ATRX: variants seen among roughly 807,000 people sequenced by gnomAD.
The protein encoded by ATRX is ATRX chromatin remodeler.
ATRX carries 12 observed loss-of-function variants against 172.6 expected under a neutral mutation model. The observed-to-expected ratio is 0.07, with a 90% CI of 0.04 to 0.11. ATRX has a LOEUF of 0.11. ATRX is among the 10% of genes least tolerant of loss of function. The pLI is 1.00. For missense variants in ATRX, 1,368 were observed against 1,767.4 expected, an observed-to-expected ratio of 0.77 and a Z score of 4.05; for synonymous variants, 674 against 594.7, an observed-to-expected ratio of 1.13 and a Z score of -1.94.
At chrX:77,520,976 G>A (rs2147738759) in intron 33 of ATRX, 60 bp from the exon 34 acceptor site, 1 of 1,092,986 alleles carries the variant, frequency 9.1e-7, no homozygotes, top group Non-Finnish European at 1.3e-6. Context: ...AAATAATTAA[G>A]GTATTTTAAG....
intron 34 of ATRX, among the ~76,000 whole-genome samples, chrX:77,517,980 T>C (rs2063108767): frequency 1.8e-5 from 2 of 112,017 alleles, no homozygotes; most frequent in South Asian, 7.4e-4. Context: ...CCTTTCATGA[T>C]ATAAATCCTC....
intron 1 of ATRX, among the ~76,000 whole-genome samples, chrX:77,739,442 ATTAT>A (rs1166405868): frequency 1.8e-5 from 2 of 109,150 alleles, no homozygotes; most frequent in Admixed American, 1.0e-4. Context: ...CTCATTTGCA[ATTAT>A]TTAATTTTTA....
At chrX:77,777,960 AC>A (rs1321829633) in intron 1 of ATRX, among the ~76,000 whole-genome samples, 3 of 108,448 alleles carry the variant, frequency 2.8e-5, no homozygotes, top group African/African-American at 6.7e-5. Flanking sequence ...ATATGGTGAC[AC>A]CCCGTCTCTA....
At chrX:77,671,167 A>AAAAATATAT (rs1424480831) in intron 10 of ATRX, among the ~76,000 whole-genome samples, 207 of 15,739 alleles carry the variant, frequency 0.013, 27 homozygotes, top group Non-Finnish European at 0.018. Context: ...AAAAAAAAAA[A>AAAAATATAT]ATATATATAT....
At position 77,508,202 on chromosome X, in the gene ATRX, A is replaced by T. The variant is rs782769672; in HGVS notation, c.*149T>A. 169 of 206,032 alleles carry T rather than the reference A, an allele frequency of 8.2e-4. No homozygotes were observed. Among genetic ancestry groups the T allele is most frequent in the South Asian group, 3.8e-3 (24 of 6,320 alleles). 17.0% of individuals were successfully genotyped at this position (206,032 alleles called of 1,213,427 possible). Reference sequence around the variant, plus strand: ...CAGGAAGAAATGGTATGCCCTATTTAAAAAAAAAAAAAGTAAAACTAATAT... The same window carrying T: ...CAGGAAGAAATGGTATGCCCTATTTTAAAAAAAAAAAAGTAAAACTAATAT... On this transcript the variant is annotated 3_prime_UTR_variant, in exon 35 of 35. Transcript: ENST00000373344.
rs2148656080 is a variant in ATRX at position 77,688,824 on chromosome X, A to T, written c.588T>A (p.Ile196=). Residue 196 remains isoleucine (I), a synonymous_variant, in exon 7 of 35, where the codon ATT becomes ATA. Coordinates refer to ENST00000373344, the MANE Select transcript of ATRX (RefSeq NM_000489.6). The part of the protein sequence containing the change: ...IYRHPSLQVL[I]CKNCFKYYMS... ...TCAACAGATCATTACATACCTTACA[A>T]ATAAGAACTTGCAATGAAGGGTGTC... 8.4e-7 allele frequency: 1 copy of T among 1,195,734 alleles called. No homozygotes were observed. Among genetic ancestry groups the T allele is most frequent in the Non-Finnish European group, 1.1e-6 (1 of 880,993 alleles).
In ATRX at chrX:77,766,904, C is replaced by T. The variant is rs1374955405; in HGVS notation, c.20+19078G>A. On this transcript the variant is annotated intron_variant, in intron 1 of 34. Transcript: ENST00000373344. ...GTGAGGTTGTAGCGAGCCGAGATCACGCCACTGCACTCCAGCCTGGGCACC... is the reference window on the plus strand; with the variant it reads ...GTGAGGTTGTAGCGAGCCGAGATCATGCCACTGCACTCCAGCCTGGGCACC... Among the ~76,000 whole-genome samples, 11 of 111,003 alleles carry T rather than the reference C, an allele frequency of 9.9e-5. No individual in the cohort carries two copies. The South Asian group carries it at 3.0e-3, about 30-fold the overall frequency.
chrX:77,601,151 G>A (rs782157981), intron 22 of ATRX, among the ~76,000 whole-genome samples: 9 of 110,429 alleles, frequency 8.2e-5, no homozygotes, highest in Non-Finnish European at 1.3e-4. Flanking sequence ...ACTGACTCTC[G>A]CCAACTATGC....
chrX:77,722,970 A>G (rs782025380), intron 1 of ATRX, among the ~76,000 whole-genome samples: 9 of 112,409 alleles, frequency 8.0e-5, no homozygotes, highest in Admixed American at 2.8e-4. Context: ...CTGGATAAAG[A>G]AAATGTGGCA....
At chrX:77,715,162 G>A (rs2073310020) in intron 2 of ATRX, among the ~76,000 whole-genome samples, 1 of 111,398 alleles carries the variant, frequency 9.0e-6, no homozygotes, top group African/African-American at 3.3e-5. Context: ...TTCTATGCTG[G>A]CAATTACAAT....
At chrX:77,540,612 C>T (rs782786917) in intron 30 of ATRX, among the ~76,000 whole-genome samples, 1 of 112,085 alleles carries the variant, frequency 8.9e-6, no homozygotes, top group Non-Finnish European at 1.9e-5. Context: ...TCATAACAAA[C>T]AGTCTCTCAG....
rs1038115349 is a variant in ATRX, at chrX:77,703,391, C to T, written c.134-4762G>A. Among the ~76,000 whole-genome samples the T allele has an allele frequency of 6.2e-5, 7 of 113,021 alleles. No individual in the cohort carries two copies. In the South Asian group the frequency reaches 1.8e-3, roughly 29 times the overall value. ...GCGCAATCAGACATCCTGGCAGCTGCAGCAGGGCACGCAGCTCCAGGTGCC... is the reference window on the plus strand; with the variant it reads ...GCGCAATCAGACATCCTGGCAGCTGTAGCAGGGCACGCAGCTCCAGGTGCC... On this transcript the variant is annotated intron_variant, in intron 2 of 34. Coordinates refer to ENST00000373344, the MANE Select transcript of ATRX (RefSeq NM_000489.6).
intron 28 of ATRX, among the ~76,000 whole-genome samples, chrX:77,562,761 G>C (rs1357623417): frequency 9.0e-6 from 1 of 111,540 alleles, no homozygotes; most frequent in African/African-American, 3.3e-5. Context: ...TGCCCAGGCT[G>C]GTCTTGAACC....
chrX:77,616,399 T>C, intron 22 of ATRX: 1 of 1,080,521 alleles, frequency 9.3e-7, no homozygotes, highest in Admixed American at 2.9e-5. Context: ...TATTCATATG[T>C]GCTGTATATC....
chrX:77,593,886 G>C (rs782471162), intron 25 of ATRX, 37 bp from the exon 26 acceptor site: 6 of 1,155,115 alleles, frequency 5.2e-6, no homozygotes, highest in Non-Finnish European at 7.1e-6. Context: ...AGGTAAATTA[G>C]AAAAGAAATG....
chrX:77,549,366 C>T (rs1295736183), intron 30 of ATRX, among the ~76,000 whole-genome samples: 1 of 111,928 alleles, frequency 8.9e-6, no homozygotes, highest in Non-Finnish European at 1.9e-5. Context: ...TCCTGGGTGA[C>T]AGAGTGAGAC....
At chrX:77,599,915 G>A (rs1226153487) in intron 23 of ATRX, 95 bp from the exon 24 acceptor site, 11 of 720,156 alleles carry the variant, frequency 1.5e-5, no homozygotes, top group Non-Finnish European at 2.4e-5. Flanking sequence ...TAATTGGCAC[G>A]AGCTGAGGAA....
intron 10 of ATRX, among the ~76,000 whole-genome samples, chrX:77,673,451 T>G (rs1218993722): frequency 9.0e-6 from 1 of 111,307 alleles, no homozygotes; most frequent in African/African-American, 3.2e-5. Flanking sequence ...TTATATAAAA[T>G]TCAAAATATA....
intron 1 of ATRX, among the ~76,000 whole-genome samples, chrX:77,736,754 G>A (rs1286753700): frequency 8.9e-6 from 1 of 111,901 alleles, no homozygotes; most frequent in African/African-American, 3.2e-5. Flanking sequence ...CATATCAAAG[G>A]GATACCTGCA....
Sources: allele counts gnomAD v4.1 joint callset (sites outside exome capture counted in the v4.1 genomes callset), GRCh38; gene constraint gnomAD v4.1.1; transcripts MANE v1.5; gene names NCBI Gene and HGNC (gene_info 2026-07-23, HGNC 2026-07-21).